MAGI2: variants seen among roughly 807,000 people sequenced by gnomAD.
MAGI2 encodes membrane associated guanylate kinase, WW and PDZ domain containing 2.
In MAGI2, 35 loss-of-function variants were observed where a neutral mutation model predicts 133.3. The ratio of observed to expected loss-of-function variants is 0.26; its 90% CI spans 0.20 to 0.35. MAGI2 has a LOEUF of 0.35. Among genes scored for constraint, MAGI2 ranks in the 10% least tolerant of loss-of-function variants. The pLI is 1.00. For missense variants in MAGI2, 1,636 were observed against 1,863.4 expected, an observed-to-expected ratio of 0.88 and a Z score of 2.25; for synonymous variants, 729 against 710.6, an observed-to-expected ratio of 1.03 and a Z score of -0.41.
intron 1 of MAGI2, among the ~76,000 whole-genome samples, chr7:79,171,770 A>ATATATATATATATATATATATATTTTTT: frequency 3.2e-5 from 1 of 31,222 alleles, no homozygotes; most frequent in Non-Finnish European, 1.1e-4. Context: ...ATATATATAT[A>ATATATATATATATATATATATATTTTTT]TTTTTTTTTT....
At chr7:78,597,538 G>A (rs2150867022) in intron 3 of MAGI2, among the ~76,000 whole-genome samples, 1 of 135,228 alleles carries the variant, frequency 7.4e-6, no homozygotes. Context: ...TTCAATGAAA[G>A]AGCCCAGGCA....
Position 79,367,858 on chromosome 7 carries a change from C to CACAT in MAGI2, c.301+85161_301+85162insATGT. Among the ~76,000 whole-genome samples, 37 of 87,114 alleles carry CACAT rather than the reference C, an allele frequency of 4.2e-4. 5 individuals carry two copies. Among genetic ancestry groups the CACAT allele is most frequent in the African/African-American group, 1.6e-3 (34 of 21,518 alleles). 57.2% of individuals were successfully genotyped at this position (87,114 alleles called of 152,430 possible). Reference sequence around the variant, plus strand: ...CATATATATATGCTTATATATGTGACATATATATATATATATATGTCATTG... The same window carrying CACAT: ...CATATATATATGCTTATATATGTGACACATATATATATATATATATATGTCATTG... On this transcript the variant is annotated intron_variant, in intron 1 of 21. Coordinates refer to ENST00000354212, the MANE Select transcript of MAGI2 (RefSeq NM_012301.4).
chr7:78,079,740 C>T (rs1376418088), intron 20 of MAGI2, among the ~76,000 whole-genome samples: 3 of 152,222 alleles, frequency 2.0e-5, no homozygotes, highest in Non-Finnish European at 4.4e-5. Flanking sequence ...CATGCTCACA[C>T]TTGATTGCCA....
Position 78,587,534 on chromosome 7 carries a change from G to A in MAGI2, c.538+39586C>T, listed in dbSNP as rs568857258. Among the ~76,000 whole-genome samples the A allele has an allele frequency of 9.2e-5, 14 of 152,162 alleles. 1 individual carries two copies. The highest frequency in any genetic ancestry group is 2.9e-4 in the African/African-American group (12 of 41,504). On this transcript the variant is annotated intron_variant, in intron 3 of 21. Transcript: ENST00000354212. ...GTTTCAGTTATTGTTTTTTAAAAAG[G>A]TATCTGAAGTGGATATATTTTTCTG...
At chr7:78,823,399 T>A (rs374600689) in intron 2 of MAGI2, among the ~76,000 whole-genome samples, 1 of 151,886 alleles carries the variant, frequency 6.6e-6, no homozygotes, top group Non-Finnish European at 1.5e-5. Flanking sequence ...CTGGCTAACA[T>A]GGTGAAACCC....
At chr7:78,342,247 A>G (rs1476570183) in intron 9 of MAGI2, among the ~76,000 whole-genome samples, 1 of 152,218 alleles carries the variant, frequency 6.6e-6, no homozygotes, top group Non-Finnish European at 1.5e-5. Context: ...AATCAAAACC[A>G]CAATGAGATA....
intron 2 of MAGI2, among the ~76,000 whole-genome samples, chr7:78,897,932 A>T (rs1797334039): frequency 6.6e-6 from 1 of 152,238 alleles, no homozygotes; most frequent in Non-Finnish European, 1.5e-5. Flanking sequence ...AAATATTTGC[A>T]AACTATGCAT....
chr7:78,052,566 G>A (rs1302819438), intron 21 of MAGI2, among the ~76,000 whole-genome samples: 1 of 152,158 alleles, frequency 6.6e-6, no homozygotes, highest in East Asian at 1.9e-4. Context: ...TAAGACAAAG[G>A]GGCAGCCAGG....
At chr7:78,732,084 G>T (rs1265014102) in intron 2 of MAGI2, among the ~76,000 whole-genome samples, 1 of 152,058 alleles carries the variant, frequency 6.6e-6, no homozygotes, top group African/African-American at 2.4e-5. Context: ...GAAAAGAAAA[G>T]AACAATAAAA....
At chr7:78,618,512 G>A (rs1807351445) in intron 3 of MAGI2, 1 of 151,880 alleles carries the variant, frequency 6.6e-6, no homozygotes, top group Non-Finnish European at 1.5e-5. Context: ...GCAGTAGGGA[G>A]AAATATAAGT....
At chr7:78,181,028 AC>A (rs1447107804) in intron 13 of MAGI2, among the ~76,000 whole-genome samples, 1 of 151,558 alleles carries the variant, frequency 6.6e-6, no homozygotes, top group Non-Finnish European at 1.5e-5. Flanking sequence ...TTACAAAATA[AC>A]TAAAATTATA....
chr7:79,230,949 C>T, intron 1 of MAGI2, among the ~76,000 whole-genome samples: 1 of 122,656 alleles, frequency 8.2e-6, no homozygotes, highest in African/African-American at 3.0e-5. Context: ...GTCTTTAATC[C>T]ATCTTGAATT....
intron 6 of MAGI2, among the ~76,000 whole-genome samples, chr7:78,457,434 T>C (rs375090012): frequency 6.6e-6 from 1 of 152,188 alleles, no homozygotes; most frequent in Non-Finnish European, 1.5e-5. Flanking sequence ...TGATGGACCT[T>C]TGAACAAGAT....
chr7:78,312,020 C>T lies in MAGI2; in HGVS notation c.1408+31758G>A, dbSNP rs150304896. 2.1e-3 allele frequency among the ~76,000 whole-genome samples: 322 copies of T among 152,144 alleles called. 1 individual carries two copies. The highest frequency in any genetic ancestry group is 7.2e-3 in the African/African-American group (297 of 41,506). On this transcript the variant is annotated intron_variant, in intron 9 of 21. Transcript: ENST00000354212. ...TCCTGACCTCAAGTGATCTGCCGGC[C>T]GGCCTCCCAAAGTGCTGGGATTACA... is the stretch of plus-strand genomic sequence containing the variant.
rs117784315 is a variant in MAGI2 at position 79,416,192 on chromosome 7, T to A, written c.301+36828A>T. The stretch of plus-strand genomic sequence containing the variant: ...CACCAATATTACACGCCAAATTTTC[T>A]GACTCAAAGCCCACTGTCTACTGCA... On this transcript the variant is annotated intron_variant, in intron 1 of 21. Transcript: ENST00000354212. 4.4e-4 allele frequency among the ~76,000 whole-genome samples: 67 copies of A among 152,274 alleles called. No homozygotes were observed. In the East Asian group the frequency reaches 0.012, roughly 28 times the overall value.
chr7:79,395,789 T>C (rs895940314), intron 1 of MAGI2, among the ~76,000 whole-genome samples: 1 of 152,170 alleles, frequency 6.6e-6, no homozygotes, highest in African/African-American at 2.4e-5. Flanking sequence ...TTGTTTCATG[T>C]ATATGTTTGT....
chr7:79,074,036 C>A lies in MAGI2; in HGVS notation c.302-66830G>T, dbSNP rs189133211. 8.5e-5 allele frequency among the ~76,000 whole-genome samples: 13 copies of A among 152,134 alleles called. No individual in the cohort carries two copies. In the East Asian group the frequency reaches 2.1e-3, roughly 25 times the overall value. On this transcript the variant is annotated intron_variant, in intron 1 of 21. Transcript: ENST00000354212. ...AATAATGCACAATTCTTCATAATAC[C>A]CAGACAGAGAATTTCAAAATGTAAA...
chr7:78,925,011 T>C (rs1468592495), intron 2 of MAGI2, among the ~76,000 whole-genome samples: 1 of 151,988 alleles, frequency 6.6e-6, no homozygotes. Context: ...TGACATGTGA[T>C]TTGGCCACTG....
intron 14 of MAGI2, among the ~76,000 whole-genome samples, chr7:78,172,406 T>C (rs1016378008): frequency 6.6e-6 from 1 of 152,220 alleles, no homozygotes; most frequent in South Asian, 2.1e-4. Flanking sequence ...AGGTCTGTCA[T>C]CGTCTGTCTT....
Sources: gnomAD v4.1 joint callset for allele counts (sites outside exome capture counted in the v4.1 genomes callset) on GRCh38, gnomAD v4.1.1 for gene constraint, MANE v1.5 for transcripts, NCBI Gene and HGNC (gene_info 2026-07-23, HGNC 2026-07-21) for gene names.